The following GSDME variants were observed in gnomAD, a reference collection of about 807,000 sequenced individuals.
The protein encoded by GSDME is gasdermin E.
GSDME carries 44 observed loss-of-function variants against 47.5 expected under a neutral mutation model. The ratio of observed to expected loss-of-function variants is 0.93; its 90% confidence interval spans 0.73 to 1.19. GSDME has a LOEUF of 1.19. GSDME is among the 50% of genes most tolerant of loss of function. The pLI is 0.00. For missense variants in GSDME, 663 were observed against 604.2 expected (o/e 1.10, Z -1.02); for synonymous variants, 258 against 252.8 (o/e 1.02, Z -0.20).
chr7:24,750,976 T>C (rs1193261993), intron 1 of GSDME, among the ~76,000 whole-genome samples: 1 of 152,080 alleles, frequency 6.6e-6, no homozygotes, highest in Non-Finnish European at 1.5e-5. Flanking sequence ...AAATTCCCAA[T>C]GAAATCAAGA....
chr7:24,743,946 T>C (rs1248507837), intron 3 of GSDME: 1 of 155,790 alleles, frequency 6.4e-6, no homozygotes, highest in Non-Finnish European at 1.4e-5. Flanking sequence ...ATTTGGGCAT[T>C]TTGCTCTCTG....
chr7:24,698,934 T>A lies in GSDME; in HGVS notation c.*92A>T. On this transcript the variant is annotated 3_prime_UTR_variant, in exon 10 of 10. Coordinates refer to ENST00000645220, the MANE Select transcript of GSDME (RefSeq NM_001127453.2). ...TTCTTAAACTGTTCTGTAAATTCAT[T>A]TCATTGGTCAACTTTTAACGTGCAT... is the stretch of plus-strand genomic sequence containing the variant. The A allele has an allele frequency of 1.1e-6, 1 of 914,840 alleles. No individual in the cohort carries two copies. Among genetic ancestry groups the A allele is most frequent in the Non-Finnish European group, 1.8e-6 (1 of 565,844 alleles). 56.7% of individuals were successfully genotyped at this position (914,840 alleles called of 1,614,324 possible). A position where few individuals can be genotyped will look rare whatever the true frequency, so the allele number is the denominator to read the frequency against.
chr7:24,781,470 C>T, the GSDME span, among the ~76,000 whole-genome samples: 2 of 152,136 alleles, frequency 1.3e-5, no homozygotes, highest in Non-Finnish European at 2.9e-5. Flanking sequence ...CCTCATTCTC[C>T]ACTAGGCACT....
At chr7:24,715,466 TAC>T in intron 5 of GSDME, 1 of 471,026 alleles carries the variant, frequency 2.1e-6, no homozygotes, top group South Asian at 1.5e-5. Context: ...ATCTTGAACA[TAC>T]AGTTTCTGTG....
At position 24,733,002 on chromosome 7, in the gene GSDME, C is replaced by T. The variant is rs1203191112; in HGVS notation, c.404+11560G>A. Among the ~76,000 whole-genome samples, 3 of 151,830 alleles carry T rather than the reference C, an allele frequency of 2.0e-5. No individual in the cohort carries two copies. Among genetic ancestry groups the T allele is most frequent in the Non-Finnish European group, 4.4e-5 (3 of 68,012 alleles). ...ACTCCAAGCAGCACAACATGCAGCT[C>T]CAAAAGAGATCCCTTCCTTGTGCTT... On this transcript the variant is annotated intron_variant, in intron 3 of 9. Transcript: ENST00000645220. The surrounding 1 kb of genome is among the most constrained non-coding windows in gnomAD (Gnocchi z 4.3).
intron 7 of GSDME, 198 bp downstream of exon 7, chr7:24,707,929 C>G (rs1349242996): frequency 4.7e-6 from 3 of 639,330 alleles, no homozygotes; most frequent in Non-Finnish European, 8.0e-6. Flanking sequence ...TGAGGCAGCC[C>G]TAGGAAATTA....
In GSDME at chr7:24,706,193, C is replaced by CG. The variant is rs746597964; in HGVS notation, c.1173_1174insC (p.Ala392ArgfsTer8). On this transcript the variant is annotated frameshift_variant, in exon 8 of 10. Transcript: ENST00000645220. LOFTEE classifies it high-confidence loss of function. ...TTTCTTTTCTCCTTACCTGCGAGGGCACTGACCAAGAAGTAGGCTGTCATA... is the reference window on the plus strand; with the variant it reads ...TTTCTTTTCTCCTTACCTGCGAGGGCGACTGACCAAGAAGTAGGCTGTCATA... The CG allele has an allele frequency of 9.3e-6, 15 of 1,614,140 alleles. No individual in the cohort carries two copies. The Admixed American group carries it at 2.5e-4, about 27-fold the overall frequency.
Position 24,725,624 on chromosome 7 carries a change from C to A in GSDME, c.405-6406G>T, listed in dbSNP as rs1789940337. Among the ~76,000 whole-genome samples the A allele has an allele frequency of 6.6e-6, 1 of 152,100 alleles. No individual in the cohort carries two copies. The highest frequency in any genetic ancestry group is 1.5e-5 in the Non-Finnish European group (1 of 68,022). On this transcript the variant is annotated intron_variant, in intron 3 of 9. Coordinates refer to ENST00000645220, the MANE Select transcript of GSDME (RefSeq NM_001127453.2). This position sits in a 1 kb window ranked among gnomAD's most constrained non-coding sequence, Gnocchi z 5.1. ...GATTGAGCAAGCAGTGGGTACGTGA[C>A]TGGGGGCTGCATGCTCTGCTAATCA... is the stretch of plus-strand genomic sequence containing the variant.
In GSDME at chr7:24,749,765, TG is replaced by T; in HGVS notation, c.9del (p.Ala5GlnfsTer15). On this transcript the variant is annotated frameshift_variant, in exon 2 of 10. Transcript: ENST00000645220. LOFTEE classifies it high-confidence loss of function. ...TCTCTAAGAAAATTCCTGGTTGCTT[TG>T]GCAAACATTTTGAAAGCTCCAGATT... MF[A>X]KATRNFLREV... The T allele has an allele frequency of 6.2e-7, 1 of 1,613,726 alleles. No homozygotes were observed. Among genetic ancestry groups the T allele is most frequent in the Non-Finnish European group, 8.5e-7 (1 of 1,179,678 alleles).
intron 3 of GSDME, among the ~76,000 whole-genome samples, chr7:24,720,512 C>G (rs1203852621): frequency 6.6e-6 from 1 of 152,162 alleles, no homozygotes; most frequent in Non-Finnish European, 1.5e-5. Context: ...AGTCCCATCT[C>G]AATGTAATCA....
intron 6 of GSDME, among the ~76,000 whole-genome samples, chr7:24,708,576 A>ATGAC (rs2128049068): frequency 6.6e-6 from 1 of 152,328 alleles, no homozygotes; most frequent in East Asian, 1.9e-4. Flanking sequence ...CTTCTTTAGC[A>ATGAC]TGACTTCTCT....
chr7:24,705,444 CAG>C lies in GSDME; in HGVS notation c.1183+738_1183+739del, dbSNP rs944336190. 6.5e-6 allele frequency: 1 copy of C among 153,824 alleles called. No homozygotes were observed. The highest frequency in any genetic ancestry group is 2.4e-5 in the African/African-American group (1 of 41,460). The allele number at this position is 153,824 out of a possible 1,614,324, so 9.5% of individuals were successfully genotyped here. A position where few individuals can be genotyped will look rare whatever the true frequency, so the allele number is the denominator to read the frequency against. On this transcript the variant is annotated intron_variant, in intron 8 of 9. Coordinates refer to ENST00000645220, the MANE Select transcript of GSDME (RefSeq NM_001127453.2). This position sits in a 1 kb window ranked among gnomAD's most constrained non-coding sequence, Gnocchi z 4.1. ...TGCTAGGGAGGAACCCTGAATGTAT[CAG>C]AAACTATGTGTCCTGACTAGTGTCA...
chr7:24,757,806 G>C (rs546163612), upstream of GSDME: 2 of 152,456 alleles, frequency 1.3e-5, no homozygotes, highest in Admixed American at 1.3e-4. The surrounding 1 kb of genome is among the most constrained non-coding windows in gnomAD (Gnocchi z 5.9). Flanking sequence ...TGAGAGCGGC[G>C]CCTCCTCGCG....
chr7:24,761,347 A>G (rs1791162992), upstream of GSDME, among the ~76,000 whole-genome samples: 2 of 152,244 alleles, frequency 1.3e-5, no homozygotes, highest in Admixed American at 6.5e-5. This position sits in a 1 kb window ranked among gnomAD's most constrained non-coding sequence, Gnocchi z 4.4. Flanking sequence ...GGAGGCTGAG[A>G]GAGAAGTCCA....
At chr7:24,711,741 G>GGAGGCGGAGGTTGCAGT (rs1238034769) in intron 5 of GSDME, among the ~76,000 whole-genome samples, 1 of 151,172 alleles carries the variant, frequency 6.6e-6, no homozygotes, top group Non-Finnish European at 1.5e-5. Flanking sequence ...CTTAAGCCCT[G>GGAGGCGGAGGTTGCAGT]GAGGCGGAGG....
intron 5 of GSDME, among the ~76,000 whole-genome samples, chr7:24,713,756 C>G (rs570305919): frequency 6.6e-6 from 1 of 152,336 alleles, no homozygotes; most frequent in South Asian, 2.1e-4. Context: ...TTAAAACAAT[C>G]CCATTAGCTA....
upstream of GSDME, among the ~76,000 whole-genome samples, chr7:24,759,292 A>G (rs139445555): frequency 1.5e-3 from 231 of 152,170 alleles, 1 homozygote; most frequent in African/African-American, 5.2e-3. Context: ...TCAGGTTCCC[A>G]CCCCAAAAAG....
At chr7:24,783,928 C>T in the GSDME span, among the ~76,000 whole-genome samples, 2 of 151,922 alleles carry the variant, frequency 1.3e-5, no homozygotes, top group African/African-American at 4.8e-5. Flanking sequence ...TGAGATGCCC[C>T]AGGGGATTTC....
At chr7:24,709,620 TCTC>T (rs1223660156) in intron 6 of GSDME, among the ~76,000 whole-genome samples, 1 of 152,150 alleles carries the variant, frequency 6.6e-6, no homozygotes, top group East Asian at 1.9e-4. Context: ...TCCTTGCCCA[TCTC>T]CTCCTATATG....
Sources: gnomAD v4.1 joint callset for allele counts (sites outside exome capture counted in the v4.1 genomes callset) on GRCh38, gnomAD v4.1.1 for gene constraint, Gnocchi (gnomAD v3.1) non-coding constraint, MANE v1.5 for transcripts, NCBI Gene and HGNC (gene_info 2026-07-23, HGNC 2026-07-21) for gene names.